SLC5A9: variants seen among roughly 807,000 people sequenced by gnomAD.
SLC5A9 encodes the protein sodium/glucose cotransporter 4.
SLC5A9 carries 59 observed loss-of-function variants against 70.9 expected under a neutral mutation model. The ratio of observed to expected loss-of-function variants is 0.83; its 90% CI spans 0.68 to 1.03. The LOEUF is 1.03. Ranked by LOEUF, SLC5A9 falls within the 50% of genes least tolerant of loss-of-function variation. The pLI is 0.00. For missense variants in SLC5A9, 832 were observed against 881.1 expected (o/e 0.94, Z 0.71); for synonymous variants, 340 against 346.5 (o/e 0.98, Z 0.21).
rs757961089 is a variant in SLC5A9 at position 48,235,710 on chromosome 1, G to C, written c.1142-19G>C. Reference sequence around the variant, plus strand: ...GCCTTAATGGGCCAGCCGTTCACATGAGCCTCGTCTCTCCCCAGGTCTGCG... The same window carrying C: ...GCCTTAATGGGCCAGCCGTTCACATCAGCCTCGTCTCTCCCCAGGTCTGCG... On this transcript the variant is annotated intron_variant, in intron 9 of 13. Transcript: ENST00000438567. 2.5e-6 allele frequency: 4 copies of C among 1,613,894 alleles called. No individual in the cohort carries two copies. In the East Asian group the frequency reaches 8.9e-5, roughly 36 times the overall value.
At position 48,237,721 on chromosome 1, in the gene SLC5A9, C is replaced by A. The variant is rs1468395531; in HGVS notation, c.1335C>A (p.Ile445=). The change falls in exon 11 of 14, where the codon ATC becomes ATA. Residue 445 remains isoleucine (I), a synonymous_variant. Coordinates refer to ENST00000438567, the MANE Select transcript of SLC5A9 (RefSeq NM_001011547.3). ...VFLVVISILW[I]PIIQSSNSGQ... ...TGGTTGTCATCAGCATCCTCTGGAT[C>A]CCCATCATCCAAAGCTCCAACAGTG... 6 of 1,614,148 alleles carry A rather than the reference C, an allele frequency of 3.7e-6. No individual in the cohort carries two copies. Among genetic ancestry groups the A allele is most frequent in the Admixed American group, 1.7e-5 (1 of 60,020 alleles).
At position 48,224,757 on chromosome 1, in the gene SLC5A9, G is replaced by A. The variant is rs746788236; in HGVS notation, c.196G>A (p.Gly66Ser). ...CCGTGCAAGTCGAGGGACCATTGGC[G>A]GCTATTTCCTGGCCGGGAGGTCCAT... is the stretch of plus-strand genomic sequence containing the variant. Reference protein sequence around the residue: ...SIRASRGTIGGYFLAGRSMSW... With the variant: ...SIRASRGTIGSYFLAGRSMSW... The change falls in exon 2 of 14, where the codon GGC (glycine) becomes AGC (serine). Residue 66 changes from glycine to serine, a missense_variant. Transcript: ENST00000438567. The A allele has an allele frequency of 1.5e-5, 25 of 1,613,962 alleles. No homozygotes were observed. Among genetic ancestry groups the A allele is most frequent in the African/African-American group, 1.5e-4 (11 of 74,890 alleles).
chr1:48,242,485 A>G lies in SLC5A9; in HGVS notation c.1706A>G (p.Asn569Ser). 6.2e-7 allele frequency: 1 copy of G among 1,612,104 alleles called. No homozygotes were observed. The highest frequency in any genetic ancestry group is 8.5e-7 in the Non-Finnish European group (1 of 1,178,694). ...ACACGCCTCACATGGTGGACTCGGAACTGCCCCCTCTCTGAGCTGGAGAAG... is the reference window on the plus strand; with the variant it reads ...ACACGCCTCACATGGTGGACTCGGAGCTGCCCCCTCTCTGAGCTGGAGAAG... ...QLTRLTWWTR[N>S]CPLSELEKEA... Residue 569 changes from asparagine (N) to serine (S), a missense_variant, in exon 13 of 14, where the codon AAC (asparagine) becomes AGC (serine). Asn to Ser is a conservative substitution (Grantham distance 46). Transcript: ENST00000438567.
At chr1:48,233,933 A>T (rs572887703) in intron 9 of SLC5A9, among the ~76,000 whole-genome samples, 171 bp downstream of exon 9, 1 of 152,176 alleles carries the variant, frequency 6.6e-6, no homozygotes, top group Non-Finnish European at 1.5e-5. Flanking sequence ...TGTACGTAAG[A>T]CACCAGCTTT....
chr1:48,224,755 G>T lies in SLC5A9; in HGVS notation c.194G>T (p.Gly65Val). 2 of 1,614,118 alleles carry T rather than the reference G, an allele frequency of 1.2e-6. No homozygotes were observed. Among genetic ancestry groups the T allele is most frequent in the Non-Finnish European group, 1.7e-6 (2 of 1,180,014 alleles). ...SSIRASRGTI[G>V]GYFLAGRSMS... ...ATCCGTGCAAGTCGAGGGACCATTG[G>T]CGGCTATTTCCTGGCCGGGAGGTCC... Residue 65 changes from glycine (G) to valine (V), a missense_variant, in exon 2 of 14, where the codon GGC (glycine) becomes GTC (valine). By Grantham distance (109) the Gly-to-Val change is moderately radical. Coordinates refer to ENST00000438567, the MANE Select transcript of SLC5A9 (RefSeq NM_001011547.3).
intron 2 of SLC5A9, among the ~76,000 whole-genome samples, chr1:48,225,706 G>A (rs921981458): frequency 1.1e-4 from 17 of 151,894 alleles, no homozygotes; most frequent in South Asian, 4.2e-4. Context: ...ATACATGCCC[G>A]CACTCATACA....
In SLC5A9 at chr1:48,232,243, C is replaced by T; in HGVS notation, c.897+92C>T. 2.6e-6 allele frequency: 4 copies of T among 1,554,804 alleles called. No homozygotes were observed. In the South Asian group the frequency reaches 4.9e-5, roughly 19 times the overall value. On this transcript the variant is annotated intron_variant, in intron 7 of 13. Coordinates refer to ENST00000438567, the MANE Select transcript of SLC5A9 (RefSeq NM_001011547.3). ...GTGCCTGGATGCATAGAGGGTTGGA[C>T]CTCATTCTGGGATTGTGACTGGACT...
intron 1 of SLC5A9, among the ~76,000 whole-genome samples, chr1:48,224,059 G>A (rs2148559563): frequency 6.6e-6 from 1 of 152,290 alleles, no homozygotes; most frequent in Non-Finnish European, 1.5e-5. Flanking sequence ...GTTGGCTTTT[G>A]CATCTGAATA....
intron 10 of SLC5A9, among the ~76,000 whole-genome samples, chr1:48,237,122 C>T (rs1644337121): frequency 1.3e-5 from 2 of 152,094 alleles, no homozygotes; most frequent in African/African-American, 4.8e-5. Context: ...TCTGCAAAAT[C>T]ATACATGCAG....
chr1:48,240,229 T>C (rs529026865), intron 12 of SLC5A9, among the ~76,000 whole-genome samples: 1 of 152,328 alleles, frequency 6.6e-6, no homozygotes, highest in South Asian at 2.1e-4. Flanking sequence ...TTTTTCTCTG[T>C]GGCTTGTAAA....
chr1:48,238,767 C>T (rs1316193792), intron 11 of SLC5A9, among the ~76,000 whole-genome samples: 2 of 152,124 alleles, frequency 1.3e-5, no homozygotes, highest in Non-Finnish European at 2.9e-5. Flanking sequence ...CTCCCATACT[C>T]TTACATGCTG....
In SLC5A9 at chr1:48,230,621, C is replaced by T. The variant is rs771435785; in HGVS notation, c.526C>T (p.Leu176Phe). The T allele has an allele frequency of 5.6e-6, 9 of 1,613,892 alleles. No individual in the cohort carries two copies. The highest frequency in any genetic ancestry group is 4.4e-5 in the South Asian group (4 of 91,080). ...GCAGACTGACATCTTCTCTGGAGCC[C>T]TCTTCATCCAGATGGCATTGGGCTG... ...KISTDIFSGA[L>F]FIQMALGWNL... Residue 176 changes from leucine (L) to phenylalanine (F), a missense_variant, in exon 5 of 14, where the codon CTC becomes TTC. By Grantham distance (22) the Leu-to-Phe change is conservative. Coordinates refer to ENST00000438567, the MANE Select transcript of SLC5A9 (RefSeq NM_001011547.3).
chr1:48,243,272 G>A (rs531944973), intron 13 of SLC5A9, among the ~76,000 whole-genome samples: 1 of 152,096 alleles, frequency 6.6e-6, no homozygotes, highest in East Asian at 1.9e-4. Flanking sequence ...GAGCAGCCAT[G>A]CCTCCATACA....
intron 13 of SLC5A9, among the ~76,000 whole-genome samples, chr1:48,247,063 T>C (rs773634798): frequency 1.8e-4 from 28 of 152,156 alleles, no homozygotes; most frequent in Non-Finnish European, 3.5e-4. Flanking sequence ...CATCCCCTCT[T>C]GAAGAAAGTG....
intron 13 of SLC5A9, among the ~76,000 whole-genome samples, chr1:48,244,611 C>A (rs1644428610): frequency 6.7e-6 from 1 of 149,426 alleles, no homozygotes; most frequent in Non-Finnish European, 1.5e-5. Context: ...ATGGTTAAAA[C>A]CCACATAGGC....
chr1:48,241,548 G>A (rs1644390343), intron 12 of SLC5A9, among the ~76,000 whole-genome samples: 1 of 152,100 alleles, frequency 6.6e-6, no homozygotes, highest in Non-Finnish European at 1.5e-5. Flanking sequence ...GAGAACTGCT[G>A]TGTTTTAGTT....
Position 48,239,301 on chromosome 1 carries a change from C to T in SLC5A9, c.1462-21C>T, listed in dbSNP as rs781344817. The T allele has an allele frequency of 6.3e-7, 1 of 1,580,866 alleles. No individual in the cohort carries two copies. Among genetic ancestry groups the T allele is most frequent in the Admixed American group, 1.7e-5 (1 of 58,712 alleles). On this transcript the variant is annotated intron_variant, in intron 11 of 13. Transcript: ENST00000438567. This position sits in a 1 kb window ranked among gnomAD's most constrained non-coding sequence, Gnocchi z 4.2. ...CTCCCACCTGGATCTCACCTCAGCT[C>T]TTGTCTGCCCTCTCTCACAGGGAGC...
intron 8 of SLC5A9, 98 bp downstream of exon 8, chr1:48,232,600 AG>A: frequency 1.3e-6 from 2 of 1,503,494 alleles, no homozygotes; most frequent in Non-Finnish European, 1.8e-6. Flanking sequence ...AGGCCAGAGC[AG>A]GGGTTGGCAA....
At chr1:48,233,045 GAA>G in intron 8 of SLC5A9, among the ~76,000 whole-genome samples, 1 of 150,412 alleles carries the variant, frequency 6.6e-6, no homozygotes, top group Non-Finnish European at 1.5e-5. Context: ...GGAAAGGAAA[GAA>G]AAAGAAAAGA....
Sources: allele counts gnomAD v4.1 joint callset (sites outside exome capture counted in the v4.1 genomes callset), GRCh38; gene constraint gnomAD v4.1.1; non-coding constraint Gnocchi (gnomAD v3.1); transcripts MANE v1.5; gene names NCBI Gene and HGNC (gene_info 2026-07-23, HGNC 2026-07-21).